Variants in PCDH9 observed in about 807,000 individuals in gnomAD.
PCDH9 encodes the protein protocadherin 9, also known as protocadherin-9.
PCDH9 carries 24 observed loss-of-function variants against 70.6 expected under a neutral mutation model. The observed-to-expected ratio is 0.34, with a 90% confidence interval of 0.25 to 0.48. The LOEUF is 0.48. Ranked by LOEUF, PCDH9 falls within the 20% of genes least tolerant of loss-of-function variation. The pLI is 0.99. For missense variants in PCDH9, 1,281 were observed against 1,503.6 expected, an observed-to-expected ratio of 0.85 and a Z score of 2.45; for synonymous variants, 562 against 558.5, an observed-to-expected ratio of 1.01 and a Z score of -0.09.
At chr13:66,444,809 C>G (rs1958040472) in intron 4 of PCDH9, among the ~76,000 whole-genome samples, 1 of 151,974 alleles carries the variant, frequency 6.6e-6, no homozygotes, top group Admixed American at 6.6e-5. Flanking sequence ...GATCCGCCTT[C>G]CCCGGCCTCC....
At chr13:66,379,573 G>A (rs940971123) in intron 4 of PCDH9, among the ~76,000 whole-genome samples, 1 of 152,072 alleles carries the variant, frequency 6.6e-6, no homozygotes, top group Non-Finnish European at 1.5e-5. Context: ...ATGAAACAAA[G>A]GCTGAGAGGA....
intron 3 of PCDH9, among the ~76,000 whole-genome samples, chr13:66,768,072 C>T (rs1292322653): frequency 6.6e-6 from 1 of 151,704 alleles, no homozygotes; most frequent in Non-Finnish European, 1.5e-5. Flanking sequence ...AGTCTAAATG[C>T]TCTCAGCCAA....
intron 3 of PCDH9, among the ~76,000 whole-genome samples, chr13:66,868,423 G>A (rs2081612921): frequency 6.6e-6 from 1 of 151,936 alleles, no homozygotes; most frequent in Non-Finnish European, 1.5e-5. Context: ...ATCATTGGCT[G>A]TGGTTTTCAT....
At chr13:67,169,637 A>G (rs1290659612) in intron 2 of PCDH9, among the ~76,000 whole-genome samples, 1 of 152,190 alleles carries the variant, frequency 6.6e-6, no homozygotes, top group East Asian at 1.9e-4. Flanking sequence ...GAAACTGCTG[A>G]GTCAATGTCA....
chr13:66,672,565 A>C (rs1359245184), intron 3 of PCDH9, among the ~76,000 whole-genome samples: 1 of 152,222 alleles, frequency 6.6e-6, no homozygotes, highest in Non-Finnish European at 1.5e-5. Flanking sequence ...ACCGTCCTCC[A>C]GACCCCAGAA....
intron 4 of PCDH9, among the ~76,000 whole-genome samples, chr13:66,341,874 A>ATCTC (rs1349346325): frequency 6.6e-6 from 1 of 152,184 alleles, no homozygotes; most frequent in Non-Finnish European, 1.5e-5. Flanking sequence ...GTAAATATGC[A>ATCTC]CACTTGAAGT....
intron 4 of PCDH9, among the ~76,000 whole-genome samples, chr13:66,560,517 C>A (rs1048999283): frequency 8.5e-5 from 13 of 152,146 alleles, no homozygotes; most frequent in Admixed American, 1.3e-4. Flanking sequence ...AACCTCGGGT[C>A]GTGCATTGGT....
rs567454048 is a variant in PCDH9 at position 66,499,419 on chromosome 13, G to A, written c.3340+131791C>T. ...TTAAAAACATGTCTAAAACAGTGTA[G>A]CAAGATATAAAAAACATTGTTCTGA... On this transcript the variant is annotated intron_variant, in intron 4 of 4. Coordinates refer to ENST00000377865, the MANE Select transcript of PCDH9 (RefSeq NM_203487.3). Among the ~76,000 whole-genome samples, 8 of 152,150 alleles carry A rather than the reference G, an allele frequency of 5.3e-5. No individual in the cohort carries two copies. The East Asian group carries it at 1.5e-3, about 29-fold the overall frequency.
rs760026989 is a variant in PCDH9 at position 67,228,262 on chromosome 13, G to C, written c.179C>G (p.Ala60Gly). ...AGAAACCAGTCTGTAGACAAGGCTG[G>C]CGCTGGTCCCTGTGGCAGCATTGAT... ...SHINAATGTS[A>G]SLVYRLVSKA... is the part of the protein sequence containing the mutation. The change falls in exon 2 of 5, where the codon GCC (alanine) becomes GGC (glycine). Residue 60 changes from alanine (A) to glycine (G), a missense_variant. This residue lies in a region of PCDH9 where 798 missense variants were observed against 1,003.1 expected (regional missense o/e 0.80). Coordinates refer to ENST00000377865, the MANE Select transcript of PCDH9 (RefSeq NM_203487.3). 6.2e-7 allele frequency: 1 copy of C among 1,613,778 alleles called. No homozygotes were observed. The highest frequency in any genetic ancestry group is 8.5e-7 in the Non-Finnish European group (1 of 1,179,886).
chr13:66,502,851 G>A (rs1028529267), intron 4 of PCDH9, among the ~76,000 whole-genome samples: 1 of 152,066 alleles, frequency 6.6e-6, no homozygotes, highest in African/African-American at 2.4e-5. Context: ...CTTATGGCTT[G>A]TTGAATGTGA....
At chr13:66,560,423 C>T (rs529066444) in intron 4 of PCDH9, among the ~76,000 whole-genome samples, 3 of 151,054 alleles carry the variant, frequency 2.0e-5, no homozygotes, top group Admixed American at 6.6e-5. Context: ...ATGTAAGGAG[C>T]TGGACCTTGT....
At chr13:66,407,735 AC>A (rs1360580075) in intron 4 of PCDH9, among the ~76,000 whole-genome samples, 1 of 152,210 alleles carries the variant, frequency 6.6e-6, no homozygotes, top group Non-Finnish European at 1.5e-5. Flanking sequence ...AACATAAAGA[AC>A]TGTAATCCAT....
chr13:66,573,523 T>C (rs2076765700), intron 4 of PCDH9, among the ~76,000 whole-genome samples: 1 of 152,192 alleles, frequency 6.6e-6, no homozygotes, highest in South Asian at 2.1e-4. Context: ...GATTTCCTTG[T>C]TACCTATGTG....
At chr13:66,506,819 T>C (rs1475210331) in intron 4 of PCDH9, among the ~76,000 whole-genome samples, 1 of 152,248 alleles carries the variant, frequency 6.6e-6, no homozygotes, top group Non-Finnish European at 1.5e-5. Flanking sequence ...CCACCTTTGC[T>C]TTAATAAATA....
chr13:66,718,635 A>AT (rs2078901790), intron 3 of PCDH9, among the ~76,000 whole-genome samples: 1 of 152,200 alleles, frequency 6.6e-6, no homozygotes, highest in Admixed American at 6.5e-5. Flanking sequence ...TAATATCTAG[A>AT]AAGTGTATGG....
intron 3 of PCDH9, among the ~76,000 whole-genome samples, chr13:66,815,791 G>GA (rs1047747598): frequency 1.3e-5 from 2 of 151,956 alleles, no homozygotes; most frequent in Admixed American, 6.6e-5. Context: ...GGTGAGGATC[G>GA]AAAAAAACTA....
intron 2 of PCDH9, chr13:67,202,929 T>A (rs1481276340): frequency 1.3e-5 from 2 of 152,010 alleles, no homozygotes; most frequent in Non-Finnish European, 2.9e-5. Context: ...TAAATATAAT[T>A]CAGGTAACAC....
intron 2 of PCDH9, among the ~76,000 whole-genome samples, chr13:67,011,126 G>T (rs1159513354): frequency 6.6e-6 from 1 of 151,548 alleles, no homozygotes; most frequent in Admixed American, 6.6e-5. Flanking sequence ...CATTTGTATT[G>T]CCCCTTTTAA....
intron 3 of PCDH9, among the ~76,000 whole-genome samples, chr13:66,787,308 T>A (rs1294413689): frequency 6.6e-6 from 1 of 152,110 alleles, no homozygotes; most frequent in East Asian, 1.9e-4. Context: ...TTTTAAAACA[T>A]ATATGTTAAG....
Sources: gnomAD v4.1 joint callset for allele counts (sites outside exome capture counted in the v4.1 genomes callset) on GRCh38, gnomAD v4.1.1 for gene constraint, gnomAD v4.1.1 regional missense constraint, MANE v1.5 for transcripts, NCBI Gene and HGNC (gene_info 2026-07-23, HGNC 2026-07-21) for gene names.